PLCG2: variants seen among roughly 807,000 people sequenced by gnomAD.
The protein encoded by PLCG2 is phospholipase C gamma 2.
A neutral mutation model predicts 175.6 loss-of-function variants in PLCG2; 69 were observed. The observed-to-expected ratio is 0.39, with a 90% CI of 0.32 to 0.48. PLCG2 has a LOEUF of 0.48. Among genes scored for constraint, PLCG2 ranks in the 20% least tolerant of loss-of-function variants. PLCG2 has a pLI of 0.91. For missense variants in PLCG2, 1,798 were observed against 1,650.9 expected (o/e 1.09, Z -1.54); for synonymous variants, 827 against 624.0 (o/e 1.33, Z -4.85).
chr16:81,909,253 C>T (rs1460763719), intron 17 of PLCG2, among the ~76,000 whole-genome samples: 1 of 152,114 alleles, frequency 6.6e-6, no homozygotes, highest in Non-Finnish European at 1.5e-5. Flanking sequence ...TGCAATGAAA[C>T]AAGGCAACAT....
At position 81,959,750 on chromosome 16, in the gene PLCG2, C is replaced by T. The variant is rs1193360620; in HGVS notation, c.*1752C>T. 1.6e-5 allele frequency: 3 copies of T among 184,830 alleles called. No homozygotes were observed. Among genetic ancestry groups the T allele is most frequent in the Non-Finnish European group, 3.4e-5 (3 of 87,294 alleles). The allele number at this position is 184,830 out of a possible 1,614,324, so 11.4% of individuals were successfully genotyped here. On this transcript the variant is annotated 3_prime_UTR_variant, in exon 33 of 33. Coordinates refer to ENST00000564138, the MANE Select transcript of PLCG2 (RefSeq NM_002661.5). ...GCTGCAGGCACTCTGTAGCCAGGGC[C>T]CCATTAGCCTTTGGCCAGGTAGCCA...
rs565010144 is a variant in PLCG2 at position 81,910,681 on chromosome 16, C to T, written c.1895C>T (p.Thr632Met). 8.7e-6 allele frequency: 14 copies of T among 1,612,436 alleles called. No homozygotes were observed. Among genetic ancestry groups the T allele is most frequent in the South Asian group, 3.3e-5 (3 of 91,082 alleles). ...LRCAEFELRL[T>M]DPVPNPNPHE... ...TGCGCCGAGTTCGAGCTGCGGCTCA[C>T]GGACCCTGTGCCCAACCCCAACCCC... The change falls in exon 18 of 33, where the codon ACG becomes ATG. Residue 632 changes from threonine to methionine, a missense_variant. Transcript: ENST00000564138.
At chr16:81,764,543 C>T (rs1477655679) in intron 2 of PLCG2, among the ~76,000 whole-genome samples, 2 of 152,186 alleles carry the variant, frequency 1.3e-5, no homozygotes, top group Non-Finnish European at 2.9e-5. Flanking sequence ...CCAAGCGTGC[C>T]CCGTGCAGGT....
In PLCG2 at chr16:81,947,304, C is replaced by A. The variant is rs1229425846; in HGVS notation, c.3570+1041C>A. Among the ~76,000 whole-genome samples the A allele has an allele frequency of 4.6e-5, 7 of 152,176 alleles. No homozygotes were observed. In the South Asian group the frequency reaches 1.0e-3, roughly 22 times the overall value. The stretch of plus-strand genomic sequence containing the variant: ...TGGGGTTCTAAATGGAAAGTCGACG[C>A]TCACAAATCTGCTTTCTGAAAGTTT... On this transcript the variant is annotated intron_variant, in intron 31 of 32. Transcript: ENST00000564138.
intron 15 of PLCG2, 124 bp from the exon 16 acceptor site, chr16:81,907,561 G>A (rs1010363063): frequency 2.8e-5 from 16 of 574,354 alleles, no homozygotes; most frequent in East Asian, 8.8e-5. Flanking sequence ...CGCCATAAAT[G>A]TCTATGAAAC....
upstream of PLCG2, among the ~76,000 whole-genome samples, chr16:81,775,472 A>T (rs1382385930): frequency 6.6e-6 from 1 of 152,120 alleles, no homozygotes; most frequent in Non-Finnish European, 1.5e-5. Flanking sequence ...CCCAGTAACA[A>T]TTCCTAAAAT....
intron 31 of PLCG2, among the ~76,000 whole-genome samples, chr16:81,949,782 A>G (rs1911294296): frequency 6.6e-6 from 1 of 152,228 alleles, no homozygotes; most frequent in South Asian, 2.1e-4. Flanking sequence ...TACCATGATA[A>G]AAAATGACAA....
intron 2 of PLCG2, among the ~76,000 whole-genome samples, chr16:81,818,448 C>T (rs544504918): frequency 3.0e-4 from 46 of 152,302 alleles, no homozygotes; most frequent in African/African-American, 1.0e-3. Flanking sequence ...ATGACTAGCA[C>T]ATACCAGGTA....
At chr16:81,776,502 G>C (rs974902828), upstream of PLCG2, among the ~76,000 whole-genome samples, 1 of 152,158 alleles carries the variant, frequency 6.6e-6, no homozygotes, top group African/African-American at 2.4e-5. Context: ...GGGAAAAGAA[G>C]TGTCATTTTA....
At chr16:81,931,756 C>T (rs1214636697) in intron 25 of PLCG2, 102 bp downstream of exon 25, 8 of 945,420 alleles carry the variant, frequency 8.5e-6, no homozygotes, top group African/African-American at 6.6e-5. Flanking sequence ...TGAGCAGGCC[C>T]AGGTCCTACT....
chr16:81,928,969 A>C (rs12445489), intron 24 of PLCG2: 172,354 of 252,568 alleles, frequency 0.68, 61,322 homozygotes, highest in East Asian at 0.81. Context: ...GCTGAAATGC[A>C]GCGTGGAGTT....
At chr16:81,954,489 C>T (rs773489083) in intron 31 of PLCG2, among the ~76,000 whole-genome samples, 13 of 152,306 alleles carry the variant, frequency 8.5e-5, no homozygotes, top group Non-Finnish European at 1.0e-4. Context: ...TTAAGTCCCA[C>T]ATGCATTCCC....
At chr16:81,834,989 A>G (rs1272950223) in intron 2 of PLCG2, among the ~76,000 whole-genome samples, 1 of 152,042 alleles carries the variant, frequency 6.6e-6, no homozygotes, top group Non-Finnish European at 1.5e-5. Context: ...GGGCAGGGGA[A>G]AGGCCCATTG....
At chr16:81,878,028 C>A (rs148237648) in intron 7 of PLCG2, among the ~76,000 whole-genome samples, 7,557 of 116,310 alleles carry the variant, frequency 0.065, 284 homozygotes, top group Middle Eastern at 0.21. Flanking sequence ...GTCACCCAGG[C>A]TGGAGTGTAG....
chr16:81,897,013 A>T (rs1171465519), intron 13 of PLCG2, among the ~76,000 whole-genome samples: 4 of 152,234 alleles, frequency 2.6e-5, no homozygotes, highest in African/African-American at 4.8e-5. Context: ...TTCAGGCTTT[A>T]TGGGCCCTGT....
intron 2 of PLCG2, among the ~76,000 whole-genome samples, chr16:81,792,059 T>C (rs1357074314): frequency 1.3e-5 from 2 of 152,210 alleles, no homozygotes; most frequent in Non-Finnish European, 2.9e-5. Flanking sequence ...TGCATATCGA[T>C]GGTAGGCAGG....
intron 15 of PLCG2, 75 bp from the exon 16 acceptor site, chr16:81,907,610 C>T (rs1909431385): frequency 4.0e-6 from 4 of 1,009,360 alleles, no homozygotes; most frequent in Admixed American, 3.6e-5. Context: ...GGGGTGACGC[C>T]CTGCAGGGCT....
intron 2 of PLCG2, among the ~76,000 whole-genome samples, chr16:81,808,854 A>G (rs1343970284): frequency 6.6e-6 from 1 of 152,084 alleles, no homozygotes; most frequent in East Asian, 1.9e-4. Context: ...GTTTCCCCCT[A>G]TGCAAAATGG....
chr16:81,795,347 G>C (rs1221313507), intron 2 of PLCG2, among the ~76,000 whole-genome samples: 1 of 152,208 alleles, frequency 6.6e-6, no homozygotes, highest in Non-Finnish European at 1.5e-5. Flanking sequence ...GAGACTTGAA[G>C]GGTGAGAAGG....
Sources: allele counts gnomAD v4.1 joint callset (sites outside exome capture counted in the v4.1 genomes callset), GRCh38; gene constraint gnomAD v4.1.1; transcripts MANE v1.5; gene names NCBI Gene and HGNC (gene_info 2026-07-23, HGNC 2026-07-21).